Variants in SLC12A7 observed in about 807,000 individuals in gnomAD.
The protein encoded by SLC12A7 is solute carrier family 12 member 7.
SLC12A7 carries 100 observed loss-of-function variants against 120.6 expected under a neutral mutation model. The ratio of observed to expected loss-of-function variants is 0.83; its 90% CI spans 0.71 to 0.98. SLC12A7 has a LOEUF of 0.98. SLC12A7 is among the 50% of genes least tolerant of loss of function. SLC12A7 has a pLI of 0.00. For missense variants in SLC12A7, 1,373 were observed against 1,548.1 expected (o/e 0.89, Z 1.90); for synonymous variants, 760 against 678.0 (o/e 1.12, Z -1.88).
At position 1,073,259 on chromosome 5, in the gene SLC12A7, GC is replaced by G. The variant is rs58147432; in HGVS notation, c.2241+373del. Among the ~76,000 whole-genome samples the G allele has an allele frequency of 9.6e-4, 88 of 91,234 alleles. 10 individuals carry two copies. The highest frequency in any genetic ancestry group is 4.2e-3 in the South Asian group (10 of 2,384). 59.9% of individuals were successfully genotyped at this position (91,234 alleles called of 152,430 possible). ...AGCACACGGGCATCACACTTATGCA[GC>G]CCCCAGTGAGCCCCCAGCACACGGG... On this transcript the variant is annotated intron_variant, in intron 17 of 23. Coordinates refer to ENST00000264930, the MANE Select transcript of SLC12A7 (RefSeq NM_006598.3).
chr5:1,128,755 G>A, the SLC12A7 span, among the ~76,000 whole-genome samples: 21 of 152,336 alleles, frequency 1.4e-4, no homozygotes, highest in Non-Finnish European at 2.2e-4. Flanking sequence ...GTGTGCATGC[G>A]TGCACACCAA....
At chr5:1,089,534 G>A (rs1234617265) in intron 3 of SLC12A7, among the ~76,000 whole-genome samples, 16 of 149,214 alleles carry the variant, frequency 1.1e-4, no homozygotes, top group Admixed American at 3.3e-4. Flanking sequence ...TGGAAGCAGA[G>A]CCAGCGGAGG....
the SLC12A7 span, among the ~76,000 whole-genome samples, chr5:1,140,401 G>A: frequency 5.3e-5 from 8 of 152,202 alleles, no homozygotes; most frequent in African/African-American, 1.2e-4. Context: ...CCCCCCCACC[G>A]GGTCTGGAAG....
At chr5:1,149,757 G>A in the SLC12A7 span, among the ~76,000 whole-genome samples, 7 of 151,972 alleles carry the variant, frequency 4.6e-5, no homozygotes, top group South Asian at 2.1e-4. Context: ...AGCCGGGTGC[G>A]GTGGTTCACA....
Position 1,094,061 on chromosome 5 carries a change from G to A in SLC12A7, c.219+93C>T, listed in dbSNP as rs1247142311. Reference sequence around the variant, plus strand: ...TTCCACGTGGTGTCCAGTCCTGTGGGAGGCCCCGGCCTGGGGGCCCCCAGG... The same window carrying A: ...TTCCACGTGGTGTCCAGTCCTGTGGAAGGCCCCGGCCTGGGGGCCCCCAGG... On this transcript the variant is annotated intron_variant, in intron 2 of 23. Transcript: ENST00000264930. 3 of 920,710 alleles carry A rather than the reference G, an allele frequency of 3.3e-6. No homozygotes were observed. The African/African-American group carries it at 5.0e-5, about 15-fold the overall frequency. 57.0% of individuals were successfully genotyped at this position (920,710 alleles called of 1,614,324 possible). A position where few individuals can be genotyped will look rare whatever the true frequency, so the allele number is the denominator to read the frequency against.
chr5:1,060,319 G>A (rs753668264), intron 21 of SLC12A7, 25 bp downstream of exon 21: 10 of 1,558,314 alleles, frequency 6.4e-6, no homozygotes, highest in Middle Eastern at 1.9e-4. Context: ...AAAGCCTGGT[G>A]TCTGTGGCCA....
rs763502283 is a variant in SLC12A7, at chr5:1,065,490, A to G, written c.2242-12T>C. On this transcript the variant is annotated splice_polypyrimidine_tract_variant and intron_variant, in intron 17 of 23. Transcript: ENST00000264930. The stretch of plus-strand genomic sequence containing the variant: ...AGGGACCGTATGTTCTGCGGGAGAC[A>G]GGACAGGTTGGTGCTACAGCAGGAA... The G allele has an allele frequency of 3.2e-6, 5 of 1,556,556 alleles. No individual in the cohort carries two copies. Among genetic ancestry groups the G allele is most frequent in the Admixed American group, 3.7e-5 (2 of 54,640 alleles).
the SLC12A7 span, among the ~76,000 whole-genome samples, chr5:1,134,262 G>A: frequency 6.6e-6 from 1 of 152,076 alleles, no homozygotes; most frequent in Non-Finnish European, 1.5e-5. Context: ...CTGAGGTCAG[G>A]AGTTCGAGAC....
chr5:1,076,699 G>A lies in SLC12A7; in HGVS notation c.1743C>T (p.Leu581=), dbSNP rs987340636. ...IASLDSVAPI[L]SMFFLMCYLF... is the part of the protein sequence containing the mutation. ...CCCGTCCTGTGGGGGCTCACATGGA[G>A]AGGATCGGGGCCACGCTGTCCAGAG... The change falls in exon 13 of 24, where the codon CTC becomes CTT. Residue 581 remains leucine, a synonymous_variant. Coordinates refer to ENST00000264930, the MANE Select transcript of SLC12A7 (RefSeq NM_006598.3). 1.9e-6 allele frequency: 3 copies of A among 1,609,434 alleles called. No individual in the cohort carries two copies. In the African/African-American group the frequency reaches 4.0e-5, roughly 21 times the overall value.
the SLC12A7 span, among the ~76,000 whole-genome samples, chr5:1,118,787 A>C: frequency 6.6e-6 from 1 of 152,178 alleles, no homozygotes; most frequent in Non-Finnish European, 1.5e-5. Flanking sequence ...ATAACATCAA[A>C]TGTGCTGGCC....
the SLC12A7 span, among the ~76,000 whole-genome samples, chr5:1,139,647 G>A: frequency 7.4e-3 from 1,126 of 152,364 alleles, 14 homozygotes; most frequent in African/African-American, 0.026. Flanking sequence ...CTCTGTAGGC[G>A]TCCGCACAGC....
At chr5:1,151,024 G>T in the SLC12A7 span, among the ~76,000 whole-genome samples, 7 of 152,230 alleles carry the variant, frequency 4.6e-5, no homozygotes, top group African/African-American at 1.7e-4. The surrounding 1 kb of genome is among the most constrained non-coding windows in gnomAD (Gnocchi z 6.2). Context: ...TGTGGTCCAC[G>T]GATGGGGAGG....
chr5:1,117,330 C>G, the SLC12A7 span, among the ~76,000 whole-genome samples: 5 of 152,208 alleles, frequency 3.3e-5, no homozygotes, highest in Non-Finnish European at 7.3e-5. This position sits in a 1 kb window ranked among gnomAD's most constrained non-coding sequence, Gnocchi z 4.5. Flanking sequence ...TGGAAGGGTT[C>G]CGACCTGACT....
Position 1,112,059 on chromosome 5 carries a change from G to T in SLC12A7, c.-68C>A. 8.3e-7 allele frequency: 1 copy of T among 1,203,544 alleles called. No individual in the cohort carries two copies. The highest frequency in any genetic ancestry group is 1.0e-6 in the Non-Finnish European group (1 of 968,962). 74.6% of individuals were successfully genotyped at this position (1,203,544 alleles called of 1,614,324 possible). On this transcript the variant is annotated 5_prime_UTR_variant, in exon 1 of 24. Coordinates refer to ENST00000264930, the MANE Select transcript of SLC12A7 (RefSeq NM_006598.3). Reference sequence around the variant, plus strand: ...CTGCGCCGCTCCCGCCGACGCCACGGGACTTGGAGGCAGGGGCGGGGTCCG... The same window carrying T: ...CTGCGCCGCTCCCGCCGACGCCACGTGACTTGGAGGCAGGGGCGGGGTCCG...
chr5:1,136,207 C>T, the SLC12A7 span, among the ~76,000 whole-genome samples: 1 of 152,180 alleles, frequency 6.6e-6, no homozygotes, highest in African/African-American at 2.4e-5. Flanking sequence ...AAGGAACCAT[C>T]CGTGCAATAG....
At chr5:1,116,248 C>T (rs1579457293), upstream of SLC12A7, among the ~76,000 whole-genome samples, 2 of 152,352 alleles carry the variant, frequency 1.3e-5, no homozygotes, top group East Asian at 1.9e-4. Context: ...CCAGGCTCTT[C>T]CCAGGCAGGC....
At chr5:1,131,128 C>T in the SLC12A7 span, among the ~76,000 whole-genome samples, 7 of 152,156 alleles carry the variant, frequency 4.6e-5, no homozygotes, top group African/African-American at 1.2e-4. Flanking sequence ...CGCCTGTATT[C>T]GCAGGGACAC....
intron 1 of SLC12A7, among the ~76,000 whole-genome samples, chr5:1,107,886 CA>C (rs1237259930): frequency 3.3e-5 from 5 of 152,186 alleles, no homozygotes; most frequent in African/African-American, 1.2e-4. Flanking sequence ...GAGGCCACAC[CA>C]GGAGAGGGAG....
rs551343473 is a variant in SLC12A7, at chr5:1,058,189, G to T, written c.2848-540C>A. Among the ~76,000 whole-genome samples, 414 of 152,338 alleles carry T rather than the reference G, an allele frequency of 2.7e-3. 2 individuals are homozygous for T. The highest frequency in any genetic ancestry group is 8.7e-3 in the African/African-American group (361 of 41,584). On this transcript the variant is annotated intron_variant, in intron 21 of 23. Transcript: ENST00000264930. ...CAATGACAGGGCCGGCCCCCTGTGCGTCACTTCTGACAATCCGAGGAAAAT... is the reference window on the plus strand; with the variant it reads ...CAATGACAGGGCCGGCCCCCTGTGCTTCACTTCTGACAATCCGAGGAAAAT...
Sources: allele counts gnomAD v4.1 joint callset (sites outside exome capture counted in the v4.1 genomes callset), GRCh38; gene constraint gnomAD v4.1.1; non-coding constraint Gnocchi (gnomAD v3.1); transcripts MANE v1.5; gene names NCBI Gene and HGNC (gene_info 2026-07-23, HGNC 2026-07-21).